The following SLC9A9 variants were observed in gnomAD, a reference collection of about 807,000 sequenced individuals.
The protein encoded by SLC9A9 is sodium/hydrogen exchanger 9.
In SLC9A9, 62 loss-of-function variants were observed where a neutral mutation model predicts 77.8. The observed-to-expected ratio is 0.80, with a 90% CI of 0.65 to 0.98. SLC9A9 has a LOEUF of 0.98. SLC9A9 is among the 50% of genes least tolerant of loss of function. SLC9A9 has a pLI of 0.00. For missense variants in SLC9A9, 775 were observed against 774.9 expected (o/e 1.00, Z 0.00); for synonymous variants, 320 against 283.5 (o/e 1.13, Z -1.29).
chr3:143,495,541 C>T, intron 9 of SLC9A9, 93 bp from the exon 10 acceptor site: 1 of 944,710 alleles, frequency 1.1e-6, no homozygotes, highest in Admixed American at 1.8e-5. Context: ...CTGACTGGGT[C>T]TCCTTTATCT....
chr3:143,388,578 GC>G lies in SLC9A9; in HGVS notation c.1470-6465del, dbSNP rs1243490470. On this transcript the variant is annotated intron_variant, in intron 12 of 15. Coordinates refer to ENST00000316549, the MANE Select transcript of SLC9A9 (RefSeq NM_173653.4). Reference sequence around the variant, plus strand: ...TAATAAAATACATAAAATATTGGCTGCCATCTAGGAAGCACTCATGAAATAT... The same window carrying G: ...TAATAAAATACATAAAATATTGGCTGCATCTAGGAAGCACTCATGAAATAT... Among the ~76,000 whole-genome samples, 25 of 152,304 alleles carry G rather than the reference GC, an allele frequency of 1.6e-4. 1 individual carries two copies. Among genetic ancestry groups the G allele is most frequent in the African/African-American group, 5.5e-4 (23 of 41,564 alleles).
intron 4 of SLC9A9, among the ~76,000 whole-genome samples, chr3:143,758,584 G>A (rs1322322511): frequency 6.6e-6 from 1 of 152,124 alleles, no homozygotes; most frequent in East Asian, 1.9e-4. Context: ...ACAAGCCAAG[G>A]TGGGGGTAGT....
intron 2 of SLC9A9, among the ~76,000 whole-genome samples, chr3:143,802,605 AC>A (rs2008594873): frequency 1.3e-5 from 2 of 152,048 alleles, no homozygotes; most frequent in South Asian, 4.2e-4. Flanking sequence ...TGGCCTTCCC[AC>A]CTCTATACAG....
intron 6 of SLC9A9, chr3:143,627,618 C>G: frequency 3.3e-6 from 1 of 306,566 alleles, no homozygotes; most frequent in Non-Finnish European, 6.3e-6. Flanking sequence ...ATTGGAAGAG[C>G]CAAAGATCCC....
At chr3:143,750,134 T>C (rs1321405175) in intron 4 of SLC9A9, among the ~76,000 whole-genome samples, 2 of 152,164 alleles carry the variant, frequency 1.3e-5, no homozygotes, top group Non-Finnish European at 2.9e-5. Context: ...CATAATGCCG[T>C]ATTGTCTTGA....
intron 4 of SLC9A9, among the ~76,000 whole-genome samples, chr3:143,766,241 A>C (rs1432467354): frequency 6.6e-6 from 1 of 152,216 alleles, no homozygotes; most frequent in East Asian, 1.9e-4. Flanking sequence ...ACAAAGACAA[A>C]CTACAATTTA....
chr3:143,280,986 T>C lies in SLC9A9; in HGVS notation c.1605-12006A>G, dbSNP rs890919944. On this transcript the variant is annotated intron_variant, in intron 14 of 15. Coordinates refer to ENST00000316549, the MANE Select transcript of SLC9A9 (RefSeq NM_173653.4). ...TTCCATTTGTCTTCTACTCTGTTTA[T>C]ACTGGACATTGCTAGCTAGTATCTG... Among the ~76,000 whole-genome samples, 38 of 152,370 alleles carry C rather than the reference T, an allele frequency of 2.5e-4. 1 individual carries two copies. The highest frequency in any genetic ancestry group is 9.1e-4 in the African/African-American group (38 of 41,596).
chr3:143,543,102 T>A (rs554827623), intron 9 of SLC9A9, among the ~76,000 whole-genome samples: 1 of 152,352 alleles, frequency 6.6e-6, no homozygotes, highest in South Asian at 2.1e-4. Context: ...ATCATGGTTA[T>A]CTTTGTAAGA....
At chr3:143,347,831 C>CA (rs2032334811) in intron 14 of SLC9A9, among the ~76,000 whole-genome samples, 1 of 151,958 alleles carries the variant, frequency 6.6e-6, no homozygotes, top group African/African-American at 2.4e-5. Flanking sequence ...AGGATTGTTC[C>CA]AAAACCAAGA....
chr3:143,307,251 C>T (rs79231709), intron 14 of SLC9A9, among the ~76,000 whole-genome samples: 5,091 of 152,292 alleles, frequency 0.033, 126 homozygotes, highest in African/African-American at 0.077. Flanking sequence ...CAAAGCAGTT[C>T]TTACTTTTTC....
At chr3:143,427,639 T>C (rs190765861) in intron 12 of SLC9A9, among the ~76,000 whole-genome samples, 3 of 152,236 alleles carry the variant, frequency 2.0e-5, no homozygotes, top group Non-Finnish European at 2.9e-5. Context: ...ACATAGATAC[T>C]ACAACTGAGC....
chr3:143,274,065 C>T (rs1419827736), intron 14 of SLC9A9, among the ~76,000 whole-genome samples: 2 of 152,134 alleles, frequency 1.3e-5, no homozygotes, highest in Non-Finnish European at 2.9e-5. Context: ...CTTGACTCAA[C>T]AAAATGAATA....
At chr3:143,282,493 TCTC>T (rs1172515396) in intron 14 of SLC9A9, among the ~76,000 whole-genome samples, 2 of 152,214 alleles carry the variant, frequency 1.3e-5, no homozygotes, top group African/African-American at 2.4e-5. Flanking sequence ...CCAGTCTCCC[TCTC>T]CTCCTTACAA....
At chr3:143,662,627 G>A (rs1323664274) in intron 5 of SLC9A9, among the ~76,000 whole-genome samples, 1 of 152,026 alleles carries the variant, frequency 6.6e-6, no homozygotes, top group Non-Finnish European at 1.5e-5. Context: ...AAAGGTCTTA[G>A]CAAACGGTAC....
chr3:143,399,432 A>G (rs995504497), intron 12 of SLC9A9, among the ~76,000 whole-genome samples: 31 of 152,348 alleles, frequency 2.0e-4, no homozygotes, highest in African/African-American at 7.2e-4. Context: ...GGTTAACACT[A>G]GAATTATATT....
rs115959330 is a variant in SLC9A9 at position 143,796,723 on chromosome 3, C to G, written c.456+103G>C. On this transcript the variant is annotated intron_variant, in intron 3 of 15. Transcript: ENST00000316549. ...GCATCACAAATTTAAGATAATGATA[C>G]TCTTACCAAATAGAGAAGCCCATAA... 1.5e-3 allele frequency: 1,122 copies of G among 765,992 alleles called. 10 individuals are homozygous for G. Among genetic ancestry groups the G allele is most frequent in the African/African-American group, 0.012 (674 of 56,374 alleles). The allele number at this position is 765,992 out of a possible 1,614,324, so 47.4% of individuals were successfully genotyped here.
intron 9 of SLC9A9, among the ~76,000 whole-genome samples, chr3:143,546,249 T>C (rs1019349958): frequency 3.9e-5 from 6 of 152,240 alleles, no homozygotes; most frequent in African/African-American, 1.4e-4. Context: ...AATTTGGATT[T>C]GCATTGCTGC....
At chr3:143,493,799 G>A (rs1397740809) in intron 10 of SLC9A9, 35 bp from the exon 11 acceptor site, 6 of 1,460,416 alleles carry the variant, frequency 4.1e-6, no homozygotes, top group East Asian at 4.5e-5. Flanking sequence ...TGAGGAAAGT[G>A]TTGCTGCAAT....
At chr3:143,676,620 A>G (rs1932897491) in intron 5 of SLC9A9, among the ~76,000 whole-genome samples, 1 of 151,892 alleles carries the variant, frequency 6.6e-6, no homozygotes, top group Non-Finnish European at 1.5e-5. Context: ...GTCTGTAGTT[A>G]CAGCTACTCG....
Sources: gnomAD v4.1 joint callset for allele counts (sites outside exome capture counted in the v4.1 genomes callset) on GRCh38, gnomAD v4.1.1 for gene constraint, MANE v1.5 for transcripts, NCBI Gene and HGNC (gene_info 2026-07-23, HGNC 2026-07-21) for gene names.